The following SMG6 variants were observed in gnomAD, a reference collection of about 807,000 sequenced individuals.
SMG6 encodes the protein SMG6 nonsense mediated mRNA decay factor.
A neutral mutation model predicts 142.2 loss-of-function variants in SMG6; 66 were observed. The ratio of observed to expected loss-of-function variants is 0.46; its 90% CI spans 0.38 to 0.57. SMG6 has a LOEUF of 0.57. Among genes scored for constraint, SMG6 ranks in the 20% least tolerant of loss-of-function variants. The probability of loss-of-function intolerance (pLI) is 0.00; values close to 1 mark genes in which losing one functional copy is unlikely to be tolerated. For missense variants in SMG6, 1,793 were observed against 1,832.0 expected (o/e 0.98, Z 0.39); for synonymous variants, 779 against 702.4 (o/e 1.11, Z -1.72).
chr17:2,075,534 G>A (rs1041536733), intron 15 of SMG6, among the ~76,000 whole-genome samples: 3 of 152,196 alleles, frequency 2.0e-5, no homozygotes, highest in Admixed American at 6.5e-5. Context: ...GTGAGGAAGC[G>A]GGGGATTCAC....
chr17:2,210,027 C>T (rs1597606811), intron 10 of SMG6, among the ~76,000 whole-genome samples: 1 of 152,192 alleles, frequency 6.6e-6, no homozygotes, highest in South Asian at 2.1e-4. Flanking sequence ...AGGTAACCTA[C>T]ATCCAACTAC....
At chr17:2,130,663 C>T (rs903018209) in intron 13 of SMG6, among the ~76,000 whole-genome samples, 1 of 151,682 alleles carries the variant, frequency 6.6e-6, no homozygotes, top group African/African-American at 2.4e-5. Flanking sequence ...TTCTTTATGA[C>T]CTCAGGGTAT....
At chr17:2,106,847 A>G (rs1395770208) in intron 13 of SMG6, among the ~76,000 whole-genome samples, 1 of 148,872 alleles carries the variant, frequency 6.7e-6, no homozygotes, top group African/African-American at 2.5e-5. Context: ...TTTTTGAGAC[A>G]GAGTCTCGGT....
At chr17:2,258,626 G>T (rs1347209480) in intron 8 of SMG6, among the ~76,000 whole-genome samples, 3 of 148,340 alleles carry the variant, frequency 2.0e-5, no homozygotes, top group African/African-American at 7.5e-5. Flanking sequence ...AACATAGAGA[G>T]ACCTTGTTTC....
chr17:2,303,429 A>G (rs1419205434), intron 1 of SMG6: 4 of 1,262,582 alleles, frequency 3.2e-6, no homozygotes, highest in Non-Finnish European at 4.0e-6. Context: ...GCTCTCCCGG[A>G]GCTGGCCAGG....
intron 10 of SMG6, 26 bp from the exon 11 acceptor site, chr17:2,188,541 A>G: frequency 6.3e-7 from 1 of 1,597,690 alleles, no homozygotes; most frequent in Non-Finnish European, 8.6e-7. Flanking sequence ...TGAAACTCTC[A>G]GCGCCCCAGG....
intron 8 of SMG6, among the ~76,000 whole-genome samples, chr17:2,250,557 T>G (rs1052069826): frequency 2.0e-5 from 3 of 151,988 alleles, no homozygotes; most frequent in Non-Finnish European, 4.4e-5. Flanking sequence ...CTGGCTAGTT[T>G]TTTATTTTTT....
chr17:2,229,205 C>T (rs2151787918), intron 10 of SMG6: 1 of 152,306 alleles, frequency 6.6e-6, no homozygotes, highest in East Asian at 1.9e-4. Context: ...CAATAATGAA[C>T]ATGAACTCCA....
chr17:2,301,799 G>A (rs952272612), intron 1 of SMG6, among the ~76,000 whole-genome samples: 2 of 152,190 alleles, frequency 1.3e-5, no homozygotes, highest in African/African-American at 2.4e-5. Context: ...CGGAGATCGC[G>A]CCAGTGCACT....
At chr17:2,091,946 T>G (rs1330415907) in intron 13 of SMG6, among the ~76,000 whole-genome samples, 1 of 150,866 alleles carries the variant, frequency 6.6e-6, no homozygotes, top group African/African-American at 2.4e-5. Flanking sequence ...CCAACCAAAG[T>G]GCTGGGATTA....
chr17:2,303,510 G>A (rs1356788079), intron 1 of SMG6, 123 bp downstream of exon 1: 5 of 1,329,882 alleles, frequency 3.8e-6, no homozygotes, highest in Non-Finnish European at 4.8e-6. Flanking sequence ...CGGCCCCAGC[G>A]CCTACTGCTG....
chr17:2,227,421 A>G (rs2073349477), intron 10 of SMG6, among the ~76,000 whole-genome samples: 1 of 152,244 alleles, frequency 6.6e-6, no homozygotes, highest in Admixed American at 6.5e-5. Flanking sequence ...AACAACATGA[A>G]TAAATCTAAA....
chr17:2,064,530 T>G (rs2067880466), intron 18 of SMG6, among the ~76,000 whole-genome samples: 1 of 152,130 alleles, frequency 6.6e-6, no homozygotes, highest in Admixed American at 6.5e-5. Context: ...CTACAGCTTG[T>G]GACCAAAGAG....
At chr17:2,160,862 T>C (rs968186191) in intron 13 of SMG6, among the ~76,000 whole-genome samples, 3 of 151,780 alleles carry the variant, frequency 2.0e-5, no homozygotes, top group Non-Finnish European at 4.4e-5. Context: ...GTAAATATAA[T>C]TATGAAGTAA....
chr17:2,303,164 G>A (rs974400024), intron 1 of SMG6: 10 of 985,462 alleles, frequency 1.0e-5, no homozygotes, highest in Non-Finnish European at 1.2e-5. Context: ...TGTCTTGGGG[G>A]GGAAAAGTTC....
chr17:2,161,921 A>G (rs2071191271), intron 13 of SMG6, among the ~76,000 whole-genome samples: 1 of 152,166 alleles, frequency 6.6e-6, no homozygotes, highest in Non-Finnish European at 1.5e-5. Context: ...GTCCCTTTAA[A>G]TATCTATGAA....
intron 10 of SMG6, among the ~76,000 whole-genome samples, chr17:2,202,559 A>G (rs1347689582): frequency 6.7e-6 from 1 of 148,190 alleles, no homozygotes; most frequent in African/African-American, 2.5e-5. Context: ...CTGAAAAAGG[A>G]AAAAAAAAAA....
chr17:2,122,438 AAC>A (rs1416109312), intron 13 of SMG6: 7 of 152,340 alleles, frequency 4.6e-5, no homozygotes, highest in African/African-American at 1.7e-4. Context: ...TATTAAGGAA[AAC>A]ACAGTGTCAG....
chr17:2,295,555 C>G (rs1034683762), intron 4 of SMG6, among the ~76,000 whole-genome samples: 9 of 152,162 alleles, frequency 5.9e-5, no homozygotes, highest in Non-Finnish European at 8.8e-5. Context: ...TTCATCCAAT[C>G]CAACGGACAC....
Sources: gnomAD v4.1 joint callset for allele counts (sites outside exome capture counted in the v4.1 genomes callset) on GRCh38, gnomAD v4.1.1 for gene constraint, MANE v1.5 for transcripts, NCBI Gene and HGNC (gene_info 2026-07-23, HGNC 2026-07-21) for gene names.